EYS: variants seen among roughly 807,000 people sequenced by gnomAD.
EYS encodes the protein EGF-like photoreceptor maintenance factor.
EYS carries 250 observed loss-of-function variants against 282.1 expected under a neutral mutation model. The observed-to-expected ratio is 0.89, with a 90% CI of 0.80 to 0.98. The LOEUF (loss-of-function observed/expected upper bound fraction) is 0.98. Among genes scored for constraint, EYS ranks in the 50% least tolerant of loss-of-function variants. The pLI, the probability that EYS is intolerant of heterozygous loss-of-function variation, is 0.00. For synonymous variants in EYS, 1,355 were observed against 1,282.9 expected (o/e 1.06, Z -1.20); for missense variants, 4,016 against 3,709.0 (o/e 1.08, Z -2.15).
chr6:64,388,800 C>G lies in EYS; in HGVS notation c.5968G>C (p.Gly1990Arg). ...GATTCGCATATTTGTGTATTCCTCC[C>G]TAAAATAGTCAGCTCAGCGTTACAT... Reference protein sequence around the residue: ...DPCNAELTILGRNTQICESIN... With the variant: ...DPCNAELTILRRNTQICESIN... The change falls in exon 29 of 43, where the codon GGG becomes CGG. Residue 1990 changes from glycine to arginine, a missense_variant. Physicochemically the swap from Gly to Arg is moderately radical, Grantham distance 125 (BLOSUM62 -2). Transcript: ENST00000503581. 6.5e-7 allele frequency: 1 copy of G among 1,542,402 alleles called. No individual in the cohort carries two copies. The highest frequency in any genetic ancestry group is 8.8e-7 in the Non-Finnish European group (1 of 1,142,700).
intron 41 of EYS, among the ~76,000 whole-genome samples, chr6:63,745,245 T>G (rs889738061): frequency 6.6e-6 from 1 of 152,122 alleles, no homozygotes; most frequent in Non-Finnish European, 1.5e-5. Flanking sequence ...ACTGGAACCC[T>G]AAAGATACAC....
At chr6:64,822,964 T>G in intron 19 of EYS, 142 bp from the exon 20 acceptor site, 2 of 643,840 alleles carry the variant, frequency 3.1e-6, no homozygotes, top group East Asian at 2.9e-5. Context: ...AAAGAAAATA[T>G]ATTTCAAGGT....
chr6:64,792,856 A>ATGTG (rs758915162), intron 22 of EYS, among the ~76,000 whole-genome samples: 2 of 70,902 alleles, frequency 2.8e-5, no homozygotes, highest in Admixed American at 2.3e-4. Context: ...CGATCTTGAC[A>ATGTG]CGTGTGTGTG....
chr6:63,884,676 C>G (rs1773220585), intron 35 of EYS, among the ~76,000 whole-genome samples: 1 of 152,078 alleles, frequency 6.6e-6, no homozygotes, highest in Non-Finnish European at 1.5e-5. Context: ...TTCAGATAGT[C>G]CGTCAAATCC....
intron 34 of EYS, among the ~76,000 whole-genome samples, chr6:63,988,880 T>C (rs1767486462): frequency 6.6e-6 from 1 of 151,652 alleles, no homozygotes; most frequent in Non-Finnish European, 1.5e-5. Flanking sequence ...TCTTTTATGA[T>C]ACGTATGAAT....
intron 19 of EYS, among the ~76,000 whole-genome samples, chr6:64,878,589 A>T (rs879769035): frequency 6.6e-6 from 1 of 151,960 alleles, no homozygotes; most frequent in East Asian, 1.9e-4. Flanking sequence ...AGGTAAGAAC[A>T]TTCATTCTCA....
intron 30 of EYS, among the ~76,000 whole-genome samples, chr6:64,268,710 T>C (rs1435976092): frequency 6.6e-6 from 1 of 152,124 alleles, no homozygotes; most frequent in Non-Finnish European, 1.5e-5. Context: ...TTAAGAATTG[T>C]TTGGGGATTC....
chr6:64,631,688 T>A (rs1475979004), intron 22 of EYS: 1 of 152,124 alleles, frequency 6.6e-6, no homozygotes, highest in African/African-American at 2.4e-5. Flanking sequence ...TTTATTAAGA[T>A]AAATTATGAG....
intron 26 of EYS, among the ~76,000 whole-genome samples, chr6:64,450,206 T>C (rs904339998): frequency 1.3e-5 from 2 of 151,870 alleles, no homozygotes; most frequent in African/African-American, 4.8e-5. Context: ...GGGGTTGCAA[T>C]CCTAGTCTCT....
Position 64,467,137 on chromosome 6 carries a change from T to C in EYS, c.5645-27785A>G, listed in dbSNP as rs995532512. Among the ~76,000 whole-genome samples, 5 of 152,294 alleles carry C rather than the reference T, an allele frequency of 3.3e-5. No homozygotes were observed. The East Asian group carries it at 9.6e-4, about 29-fold the overall frequency. On this transcript the variant is annotated intron_variant, in intron 26 of 42. Coordinates refer to ENST00000503581, the MANE Select transcript of EYS (RefSeq NM_001142800.2). ...CAAAAGAGAAAATGCAAACTTCTAA[T>C]AACATGGGACAAAATGCTGATATTT...
At chr6:65,135,128 A>G (rs986096510) in intron 12 of EYS, among the ~76,000 whole-genome samples, 20 of 152,080 alleles carry the variant, frequency 1.3e-4, no homozygotes, top group African/African-American at 4.1e-4. Context: ...ATTTTGGAAA[A>G]TTGATTTGAT....
At chr6:64,378,395 A>G (rs1772633411) in intron 29 of EYS, among the ~76,000 whole-genome samples, 2 of 152,116 alleles carry the variant, frequency 1.3e-5, no homozygotes, top group Non-Finnish European at 2.9e-5. Context: ...TATTAATATT[A>G]GCATATGAAC....
At chr6:65,103,120 G>A (rs1774940357) in intron 12 of EYS, among the ~76,000 whole-genome samples, 1 of 151,422 alleles carries the variant, frequency 6.6e-6, no homozygotes, top group African/African-American at 2.4e-5. Context: ...CTAGCTGACT[G>A]AATCAGTAAC....
chr6:64,902,146 T>C lies in EYS; in HGVS notation c.2813A>G (p.Lys938Arg), dbSNP rs367857088. Reference sequence around the variant, plus strand: ...CAGATCCACACATGTTCCATTATTTTTGCAAGGTTCAGAGGAACATTCATT... The same window carrying C: ...CAGATCCACACATGTTCCATTATTTCTGCAAGGTTCAGAGGAACATTCATT... ...EINECSSEPC[K>R]NNGTCVDLTN... Residue 938 changes from lysine to arginine, a missense_variant, in exon 18 of 43, where the codon AAA (lysine) becomes AGA (arginine). Physicochemically the swap from Lys to Arg is conservative, Grantham distance 26 (BLOSUM62 2). Transcript: ENST00000503581. The C allele has an allele frequency of 1.7e-4, 271 of 1,549,164 alleles. No homozygotes were observed. The highest frequency in any genetic ancestry group is 1.7e-4 in the Middle Eastern group (1 of 5,984).
chr6:65,609,203 C>G (rs1765908143), intron 2 of EYS, among the ~76,000 whole-genome samples: 1 of 151,850 alleles, frequency 6.6e-6, no homozygotes, highest in Non-Finnish European at 1.5e-5. Context: ...TACTACATTA[C>G]CATGACTACC....
chr6:65,085,040 T>G (rs1561957737), intron 12 of EYS, among the ~76,000 whole-genome samples: 1 of 152,130 alleles, frequency 6.6e-6, no homozygotes, highest in African/African-American at 2.4e-5. Context: ...AGAAAAAAAC[T>G]GATTTTTAGT....
chr6:64,270,455 G>T (rs73766042), intron 30 of EYS, among the ~76,000 whole-genome samples: 1 of 151,944 alleles, frequency 6.6e-6, no homozygotes, highest in Non-Finnish European at 1.5e-5. Flanking sequence ...AGAGGTGAAC[G>T]AAAGCACCTA....
At chr6:64,728,152 G>A (rs559049475) in intron 22 of EYS, among the ~76,000 whole-genome samples, 2 of 152,206 alleles carry the variant, frequency 1.3e-5, no homozygotes, top group African/African-American at 4.8e-5. Flanking sequence ...GGCATTGGCA[G>A]GAGCAAAACT....
At chr6:65,264,996 C>G (rs751221150) in intron 12 of EYS, among the ~76,000 whole-genome samples, 1 of 151,804 alleles carries the variant, frequency 6.6e-6, no homozygotes, top group Non-Finnish European at 1.5e-5. Context: ...GATTTTTACC[C>G]TCTAGAAAAG....
Sources: gnomAD v4.1 joint callset for allele counts (sites outside exome capture counted in the v4.1 genomes callset) on GRCh38, gnomAD v4.1.1 for gene constraint, MANE v1.5 for transcripts, NCBI Gene and HGNC (gene_info 2026-07-23, HGNC 2026-07-21) for gene names.